CAST: variants seen among roughly 807,000 people sequenced by gnomAD.
CAST encodes MIR583 host.
A neutral mutation model predicts 119.6 loss-of-function variants in CAST; 76 were observed. That is an observed-to-expected ratio of 0.64 (90% CI 0.53 to 0.77). The LOEUF (loss-of-function observed/expected upper bound fraction) is 0.77. Ranked by LOEUF, CAST falls within the 30% of genes least tolerant of loss-of-function variation. The pLI, the probability that CAST is intolerant of heterozygous loss-of-function variation, is 0.00. For missense variants in CAST, 953 were observed against 946.5 expected (o/e 1.01, Z -0.09); for synonymous variants, 319 against 331.6 (o/e 0.96, Z 0.41).
chr5:96,308,923 ATACACGGGGGTCAGGG>A, the CAST span: 1 of 152,502 alleles, frequency 6.6e-6, no homozygotes, highest in Non-Finnish European at 1.5e-5. Flanking sequence ...CCCAGTCAGG[ATACACGGGGGTCAGGG>A]ACCCACTTGA....
intron 1 of CAST, among the ~76,000 whole-genome samples, chr5:96,553,475 G>C (rs961095207): frequency 3.9e-5 from 6 of 152,098 alleles, no homozygotes; most frequent in African/African-American, 1.4e-4. Context: ...GTAAACCTGG[G>C]AGCATTCCCT....
the CAST span, among the ~76,000 whole-genome samples, chr5:96,080,360 T>C: frequency 9.2e-5 from 14 of 152,338 alleles, no homozygotes; most frequent in Non-Finnish European, 1.6e-4. Flanking sequence ...ACTGTTTTTC[T>C]TCTTGAAACT....
the CAST span, among the ~76,000 whole-genome samples, chr5:96,425,006 A>AG: frequency 8.0e-6 from 1 of 124,928 alleles, no homozygotes; most frequent in East Asian, 2.1e-4. Context: ...AGAGAAAGAA[A>AG]GAAAAGAAAG....
the CAST span, among the ~76,000 whole-genome samples, chr5:96,355,240 C>T: frequency 7.3e-6 from 1 of 136,850 alleles, no homozygotes; most frequent in Admixed American, 8.8e-5. Context: ...TCCATGTGTT[C>T]TCCTTGTTCA....
chr5:96,206,963 T>C, the CAST span, among the ~76,000 whole-genome samples: 94 of 152,314 alleles, frequency 6.2e-4, no homozygotes, highest in Middle Eastern at 3.4e-3. Context: ...TATTCATTTG[T>C]GTCATCTCTG....
At chr5:96,074,555 G>C in the CAST span, among the ~76,000 whole-genome samples, 1 of 152,208 alleles carries the variant, frequency 6.6e-6, no homozygotes, top group Non-Finnish European at 1.5e-5. Flanking sequence ...ATAAATTGCT[G>C]TTGTTTAAGG....
chr5:96,582,012 G>A (rs1043233327), intron 1 of CAST, among the ~76,000 whole-genome samples: 2 of 152,174 alleles, frequency 1.3e-5, no homozygotes, highest in Admixed American at 1.3e-4. Flanking sequence ...CCCAAGGGTG[G>A]GATGAGGAAT....
chr5:96,421,409 A>G, the CAST span, among the ~76,000 whole-genome samples: 2 of 151,928 alleles, frequency 1.3e-5, no homozygotes, highest in African/African-American at 2.4e-5. Flanking sequence ...CTCTGTCTGG[A>G]GTTTGGCCAT....
chr5:96,684,434 C>T (rs1751806893), intron 2 of CAST, among the ~76,000 whole-genome samples: 1 of 152,066 alleles, frequency 6.6e-6, no homozygotes. Context: ...TATTGCAGCA[C>T]CTTCCCATTA....
upstream of CAST, among the ~76,000 whole-genome samples, chr5:96,660,925 C>A (rs1748342816): frequency 6.6e-6 from 1 of 151,406 alleles, no homozygotes; most frequent in African/African-American, 2.4e-5. Context: ...ATACTAGATA[C>A]ACAGACAGTA....
At chr5:96,738,341 G>A (rs918962486) in intron 11 of CAST, among the ~76,000 whole-genome samples, 2 of 152,078 alleles carry the variant, frequency 1.3e-5, no homozygotes, top group Admixed American at 6.5e-5. Context: ...AGTATCTAGT[G>A]TTCTGTCATT....
chr5:96,757,609 T>C lies in CAST; in HGVS notation c.1788T>C (p.Asp596=). The change falls in exon 24 of 32, where the codon GAT becomes GAC. Residue 596 remains aspartate, a synonymous_variant. Coordinates refer to ENST00000675179, the MANE Select transcript of CAST (RefSeq NM_001750.7). The part of the protein sequence containing the change: ...LPPMSEDFLL[D]ALSEDFSGPQ... Reference sequence around the variant, plus strand: ...CCATGAGTGAAGACTTCCTTCTGGATGCTTTGTCTGAGGACTTCTCTGGTC... The same window carrying C: ...CCATGAGTGAAGACTTCCTTCTGGACGCTTTGTCTGAGGACTTCTCTGGTC... 4 of 1,614,004 alleles carry C rather than the reference T, an allele frequency of 2.5e-6. No homozygotes were observed. The highest frequency in any genetic ancestry group is 3.4e-6 in the Non-Finnish European group (4 of 1,179,880).
chr5:96,700,933 T>A (rs1056945622), intron 3 of CAST, among the ~76,000 whole-genome samples: 165 of 147,950 alleles, frequency 1.1e-3, no homozygotes, highest in African/African-American at 3.7e-3. Context: ...CGAAAAAAAT[T>A]TTTTTTTTTT....
chr5:95,981,860 C>T, the CAST span, among the ~76,000 whole-genome samples: 2 of 151,678 alleles, frequency 1.3e-5, no homozygotes, highest in Non-Finnish European at 2.9e-5. Context: ...GGCAACAGAG[C>T]GAGACTCCAT....
the CAST span, among the ~76,000 whole-genome samples, chr5:96,279,601 G>A: frequency 6.6e-6 from 1 of 152,142 alleles, no homozygotes; most frequent in Non-Finnish European, 1.5e-5. Flanking sequence ...GACATGATAA[G>A]AACAGAAGAT....
the CAST span, among the ~76,000 whole-genome samples, chr5:96,157,648 C>A: frequency 6.6e-6 from 1 of 152,166 alleles, no homozygotes; most frequent in Non-Finnish European, 1.5e-5. Context: ...ATAAAAAGAA[C>A]CTCAGCTGAG....
chr5:96,661,777 C>T (rs754027014), upstream of CAST, among the ~76,000 whole-genome samples: 6 of 152,250 alleles, frequency 3.9e-5, no homozygotes, highest in Non-Finnish European at 7.3e-5. Context: ...CCTATGTTCT[C>T]CTCCCCATAA....
rs75555535 is a variant in CAST, at chr5:96,644,582, A to G, written c.61-30957A>G. Among the ~76,000 whole-genome samples the G allele has an allele frequency of 9.7e-3, 1,473 of 152,350 alleles. 32 individuals are homozygous for G. The highest frequency in any genetic ancestry group is 0.034 in the African/African-American group (1,402 of 41,570). ...TGCAGGTGGTATGGAGAATCCACCTATAATCCTCACTCAGTTTCAATTTCC... is the reference window on the plus strand; with the variant it reads ...TGCAGGTGGTATGGAGAATCCACCTGTAATCCTCACTCAGTTTCAATTTCC... On this transcript the variant is annotated intron_variant, in intron 1 of 11. Coordinates refer to the CAST transcript ENST00000505143.
At chr5:96,719,903 C>T (rs1757922644) in intron 3 of CAST, among the ~76,000 whole-genome samples, 1 of 152,162 alleles carries the variant, frequency 6.6e-6, no homozygotes, top group Non-Finnish European at 1.5e-5. Flanking sequence ...CTCCAATCAC[C>T]GCATGACAGG....
Sources: gnomAD v4.1 joint callset for allele counts (sites outside exome capture counted in the v4.1 genomes callset) on GRCh38, gnomAD v4.1.1 for gene constraint, MANE v1.5 for transcripts, NCBI Gene and HGNC (gene_info 2026-07-23, HGNC 2026-07-21) for gene names.